TLE2: variants seen among roughly 807,000 people sequenced by gnomAD.
TLE2 encodes the protein TLE family member 2, transcriptional corepressor.
In TLE2, 74 loss-of-function variants were observed where a neutral mutation model predicts 97.2. The observed-to-expected ratio is 0.76, with a 90% CI of 0.63 to 0.92. The LOEUF is 0.92. Among genes scored for constraint, TLE2 ranks in the 40% least tolerant of loss-of-function variants. The pLI is 0.00. For synonymous variants in TLE2, 499 were observed against 432.1 expected (o/e 1.15, Z -1.92); for missense variants, 1,038 against 1,008.7 (o/e 1.03, Z -0.39).
rs1019590825 is a variant in TLE2, at chr19:2,998,555, C to G, written c.2125-600G>C. ...GGTCTCCCAAAGTGTTGAGATTACA[C>G]GCATGAGCCACCGCACCCGGCCTAA... On this transcript the variant is annotated intron_variant, in intron 19 of 19. Transcript: ENST00000262953. Among the ~76,000 whole-genome samples the G allele has an allele frequency of 2.0e-5, 3 of 151,964 alleles. No homozygotes were observed. In the South Asian group the frequency reaches 6.2e-4, roughly 32 times the overall value.
upstream of TLE2, among the ~76,000 whole-genome samples, chr19:3,033,415 C>T (rs1466577938): frequency 1.3e-5 from 2 of 152,202 alleles, no homozygotes. Flanking sequence ...GATCCGCCCG[C>T]CTCAGCCTCC....
upstream of TLE2, among the ~76,000 whole-genome samples, chr19:3,029,382 CG>C (rs1330218342): frequency 6.2e-5 from 9 of 145,108 alleles, no homozygotes; most frequent in South Asian, 2.1e-4. Flanking sequence ...CCCGCGCCCG[CG>C]CCCCCCCCGG....
intron 1 of TLE2, among the ~76,000 whole-genome samples, chr19:3,041,847 G>A (rs1341370518): frequency 1.3e-5 from 2 of 152,162 alleles, no homozygotes; most frequent in South Asian, 2.1e-4. Context: ...GGGCAGCCAG[G>A]CCCAGAGAGG....
At chr19:3,028,439 A>C in intron 2 of TLE2, 57 bp from the exon 3 acceptor site, 2 of 1,516,430 alleles carry the variant, frequency 1.3e-6, no homozygotes, top group Non-Finnish European at 8.9e-7. Flanking sequence ...GCCGGCTTCC[A>C]AAGTGAGAGG....
At chr19:3,043,843 G>T (rs758316055) in intron 1 of TLE2, among the ~76,000 whole-genome samples, 32 of 151,574 alleles carry the variant, frequency 2.1e-4, no homozygotes, top group Non-Finnish European at 3.8e-4. Context: ...AATTAGCCAG[G>T]CATGGTGGCG....
At chr19:3,044,324 G>A (rs1434768928) in intron 1 of TLE2, among the ~76,000 whole-genome samples, 2 of 152,072 alleles carry the variant, frequency 1.3e-5, no homozygotes, top group Admixed American at 6.6e-5. Context: ...TTTGCTGCTC[G>A]AACACCATCC....
chr19:3,011,928 T>A (rs1406162602), intron 11 of TLE2, among the ~76,000 whole-genome samples: 11 of 150,884 alleles, frequency 7.3e-5, no homozygotes. Context: ...TTTTTTTTTT[T>A]AATACAGGGT....
In TLE2 at chr19:3,005,727, A is replaced by G. The variant is rs1239718561; in HGVS notation, c.1742T>C (p.Met581Thr). The change falls in exon 16 of 20, where the codon ATG becomes ACG. Residue 581 changes from methionine to threonine, a missense_variant. By Grantham distance (81) the Met-to-Thr change is moderately conservative. Coordinates refer to ENST00000262953, the MANE Select transcript of TLE2 (RefSeq NM_003260.5). ...IVVWDLQNQT[M>T]VRQFQGHTDG... ...CAGCGCACCTGCCACCCACCTGACC[A>G]TAGTCTGATTCTGCAGGTCCCAGAC... The G allele has an allele frequency of 2.5e-6, 4 of 1,613,322 alleles. No individual in the cohort carries two copies. The highest frequency in any genetic ancestry group is 1.7e-5 in the Admixed American group (1 of 59,974).
chr19:3,040,794 G>A (rs567073304), intron 1 of TLE2, among the ~76,000 whole-genome samples: 1 of 151,586 alleles, frequency 6.6e-6, no homozygotes, highest in South Asian at 2.1e-4. Context: ...GCACCACCAC[G>A]CCTGGCTCAT....
At chr19:3,042,887 G>A (rs1468420729) in intron 1 of TLE2, among the ~76,000 whole-genome samples, 3 of 152,140 alleles carry the variant, frequency 2.0e-5, no homozygotes, top group Non-Finnish European at 4.4e-5. Context: ...GACAAAGACA[G>A]ACATTACCCA....
chr19:3,016,218 G>A (rs1208066783), intron 8 of TLE2, among the ~76,000 whole-genome samples: 1 of 151,534 alleles, frequency 6.6e-6, no homozygotes, highest in Non-Finnish European at 1.5e-5. Context: ...TTACAGGCAT[G>A]AGCCACCGCA....
At chr19:3,021,115 G>GT (rs1491467941) in intron 5 of TLE2, among the ~76,000 whole-genome samples, 1 of 30,770 alleles carries the variant, frequency 3.2e-5, no homozygotes, top group Non-Finnish European at 6.7e-5. Flanking sequence ...AAAAAAAAAA[G>GT]GGGGGGGGGT....
At chr19:3,033,746 G>T (rs1184610428), upstream of TLE2, among the ~76,000 whole-genome samples, 1 of 152,142 alleles carries the variant, frequency 6.6e-6, no homozygotes, top group Non-Finnish European at 1.5e-5. Flanking sequence ...AAGCACAGGT[G>T]TGGTGGCTCA....
At chr19:3,016,092 C>T (rs1568240753) in intron 8 of TLE2, among the ~76,000 whole-genome samples, 2 of 151,880 alleles carry the variant, frequency 1.3e-5, no homozygotes, top group East Asian at 2.0e-4. Context: ...GCCACCACCA[C>T]GCCCAGCTAA....
chr19:3,009,900 G>A (rs71339156), intron 12 of TLE2, among the ~76,000 whole-genome samples, 198 bp from the exon 13 acceptor site: 2 of 147,516 alleles, frequency 1.4e-5, no homozygotes, highest in Non-Finnish European at 3.0e-5. Flanking sequence ...TTTTTCTTTT[G>A]TTTGAGATGG....
At chr19:3,043,364 CTTTTTTTT>C (rs71337196) in intron 1 of TLE2, among the ~76,000 whole-genome samples, 5 of 108,896 alleles carry the variant, frequency 4.6e-5, no homozygotes, top group Non-Finnish European at 8.8e-5. Context: ...CCTTCTGCAG[CTTTTTTTT>C]TTTTTTTTTT....
chr19:3,028,465 C>G (rs545459894), intron 2 of TLE2, 83 bp from the exon 3 acceptor site: 1 of 1,401,134 alleles, frequency 7.1e-7, no homozygotes, highest in Admixed American at 2.1e-5. Context: ...TCTCCCCCTC[C>G]CGACTTCCTT....
At chr19:3,005,289 G>A in intron 17 of TLE2, 148 bp downstream of exon 17, 1 of 1,102,256 alleles carries the variant, frequency 9.1e-7, no homozygotes, top group Non-Finnish European at 1.3e-6. Context: ...GAAGCCTGTG[G>A]ATGTGTCTGG....
chr19:3,009,022 A>T, intron 13 of TLE2, 77 bp from the exon 14 acceptor site: 5 of 1,199,578 alleles, frequency 4.2e-6, no homozygotes, highest in Non-Finnish European at 5.8e-6. Flanking sequence ...CCCACCTGCC[A>T]TACCCCTCTC....
Sources: gnomAD v4.1 joint callset for allele counts (sites outside exome capture counted in the v4.1 genomes callset) on GRCh38, gnomAD v4.1.1 for gene constraint, MANE v1.5 for transcripts, NCBI Gene and HGNC (gene_info 2026-07-23, HGNC 2026-07-21) for gene names.